Variants in KCNK2 observed in about 807,000 individuals in gnomAD.
The protein encoded by KCNK2 is potassium channel subfamily K member 2.
KCNK2 carries 21 observed loss-of-function variants against 40.5 expected under a neutral mutation model. The ratio of observed to expected loss-of-function variants is 0.52; its 90% confidence interval spans 0.37 to 0.75. The LOEUF (loss-of-function observed/expected upper bound fraction) is 0.75. Ranked by LOEUF, KCNK2 falls within the 30% of genes least tolerant of loss-of-function variation. The pLI is 0.00. For missense variants in KCNK2, 399 were observed against 531.6 expected, an observed-to-expected ratio of 0.75 and a Z score of 2.45; for synonymous variants, 191 against 202.2, an observed-to-expected ratio of 0.94 and a Z score of 0.47.
In KCNK2 at chr1:215,134,830, C is replaced by G. The variant is rs751032824; in HGVS notation, c.475+10080C>G. 8.2e-4 allele frequency among the ~76,000 whole-genome samples: 124 copies of G among 152,042 alleles called. 1 individual carries two copies. The highest frequency in any genetic ancestry group is 9.0e-4 in the Non-Finnish European group (61 of 68,014). Reference sequence around the variant, plus strand: ...TTAGAATAAAAGATCCTCCTAGTAACCCTTTTGCTCTAGAAATTACAAGGG... The same window carrying G: ...TTAGAATAAAAGATCCTCCTAGTAAGCCTTTTGCTCTAGAAATTACAAGGG... On this transcript the variant is annotated intron_variant, in intron 3 of 6. Transcript: ENST00000444842.
At chr1:215,223,861 T>C (rs1352627568) in intron 6 of KCNK2, among the ~76,000 whole-genome samples, 3 of 152,062 alleles carry the variant, frequency 2.0e-5, no homozygotes, top group Non-Finnish European at 4.4e-5. Flanking sequence ...TCACAGGTAG[T>C]TGGGCAAAGT....
intron 2 of KCNK2, among the ~76,000 whole-genome samples, chr1:215,122,564 CATG>C (rs991775348): frequency 5.3e-5 from 8 of 151,746 alleles, no homozygotes; most frequent in Admixed American, 1.3e-4. Context: ...CAGTATTATT[CATG>C]ATAAGGGTTA....
chr1:215,088,251 G>C (rs1398920253), intron 2 of KCNK2, among the ~76,000 whole-genome samples: 1 of 152,140 alleles, frequency 6.6e-6, no homozygotes. Flanking sequence ...GCATGGTGTA[G>C]CAGTAAAAGC....
intron 6 of KCNK2, among the ~76,000 whole-genome samples, chr1:215,227,961 A>AAG (rs1553276175): frequency 1.3e-5 from 2 of 151,718 alleles, no homozygotes; most frequent in Non-Finnish European, 1.5e-5. Context: ...TAAGTTAAAA[A>AAG]AAAAAAGTTA....
intron 6 of KCNK2, among the ~76,000 whole-genome samples, chr1:215,219,810 C>A (rs186384444): frequency 6.6e-6 from 1 of 152,286 alleles, no homozygotes; most frequent in East Asian, 1.9e-4. Context: ...CTGTTACAAT[C>A]ATTTATTTTG....
intron 1 of KCNK2, among the ~76,000 whole-genome samples, chr1:215,051,216 C>A (rs1657973732): frequency 6.6e-6 from 1 of 152,126 alleles, no homozygotes; most frequent in Non-Finnish European, 1.5e-5. Flanking sequence ...GCTGGGATTA[C>A]AGATGTGCAC....
chr1:215,018,580 GGTAA>G (rs1421200715), intron 1 of KCNK2, among the ~76,000 whole-genome samples: 3 of 152,098 alleles, frequency 2.0e-5, no homozygotes, highest in Non-Finnish European at 4.4e-5. Flanking sequence ...GAAATGGAAG[GGTAA>G]GTAAGATAGA....
At chr1:215,113,384 C>A (rs1210437937) in intron 2 of KCNK2, among the ~76,000 whole-genome samples, 1 of 152,072 alleles carries the variant, frequency 6.6e-6, no homozygotes, top group Non-Finnish European at 1.5e-5. Flanking sequence ...TTTTATTATT[C>A]TTTTGGCATA....
At chr1:215,121,672 C>A (rs1187495081) in intron 2 of KCNK2, among the ~76,000 whole-genome samples, 1 of 152,130 alleles carries the variant, frequency 6.6e-6, no homozygotes. Flanking sequence ...ATGAAGTCTG[C>A]CAGCAGCTAT....
chr1:215,190,713 G>C (rs1664631147), intron 5 of KCNK2, among the ~76,000 whole-genome samples: 1 of 152,132 alleles, frequency 6.6e-6, no homozygotes, highest in Non-Finnish European at 1.5e-5. Context: ...AAGGAAGCTG[G>C]CAATGTGACT....
chr1:215,209,717 A>ATT (rs1491332571), intron 6 of KCNK2, among the ~76,000 whole-genome samples: 10 of 374 alleles, frequency 0.027, 1 homozygote, highest in African/African-American at 0.06. Context: ...TAAAATATAT[A>ATT]ATATATATAA....
intron 3 of KCNK2, among the ~76,000 whole-genome samples, chr1:215,129,317 C>T (rs1333409176): frequency 6.6e-6 from 1 of 152,036 alleles, no homozygotes; most frequent in Non-Finnish European, 1.5e-5. Flanking sequence ...CTCCCCCTAC[C>T]CCCATTTTTT....
intron 3 of KCNK2, among the ~76,000 whole-genome samples, chr1:215,146,396 G>A (rs2102606650): frequency 6.6e-6 from 1 of 152,266 alleles, no homozygotes; most frequent in Admixed American, 6.5e-5. Flanking sequence ...CAACTGTCAT[G>A]TAGGATTTTA....
At chr1:215,214,509 A>G (rs1326863266) in intron 6 of KCNK2, among the ~76,000 whole-genome samples, 3 of 152,202 alleles carry the variant, frequency 2.0e-5, no homozygotes, top group Admixed American at 1.3e-4. Context: ...TAAAGCTATC[A>G]GGTAGCTGGG....
At chr1:215,201,702 T>C (rs1011771174) in intron 6 of KCNK2, among the ~76,000 whole-genome samples, 1 of 152,152 alleles carries the variant, frequency 6.6e-6, no homozygotes, top group Non-Finnish European at 1.5e-5. Flanking sequence ...GTCCATCTCT[T>C]TATTGGGAGG....
intron 6 of KCNK2, among the ~76,000 whole-genome samples, chr1:215,204,396 G>T (rs1383255254): frequency 6.7e-6 from 1 of 149,468 alleles, no homozygotes; most frequent in African/African-American, 2.5e-5. Context: ...CTATTCCTTT[G>T]TAAATAATAG....
intron 2 of KCNK2, among the ~76,000 whole-genome samples, chr1:215,123,127 T>C (rs1316136752): frequency 2.6e-5 from 4 of 152,158 alleles, no homozygotes. Context: ...AAAATATTTA[T>C]ACATAAATAT....
intron 1 of KCNK2, among the ~76,000 whole-genome samples, chr1:215,040,290 T>G (rs1657521018): frequency 6.6e-6 from 1 of 152,136 alleles, no homozygotes; most frequent in Non-Finnish European, 1.5e-5. Flanking sequence ...AATGTGTCCA[T>G]AAGACAAATA....
chr1:215,108,251 T>G (rs1024598877), intron 2 of KCNK2, among the ~76,000 whole-genome samples: 3 of 152,136 alleles, frequency 2.0e-5, no homozygotes, highest in African/African-American at 7.2e-5. Context: ...GGTCTGTGGC[T>G]TGGGGGCTGG....
Sources: allele counts gnomAD v4.1 joint callset (sites outside exome capture counted in the v4.1 genomes callset), GRCh38; gene constraint gnomAD v4.1.1; transcripts MANE v1.5; gene names NCBI Gene and HGNC (gene_info 2026-07-23, HGNC 2026-07-21).